GRID2: variants seen among roughly 807,000 people sequenced by gnomAD.
GRID2 encodes the protein glutamate receptor ionotropic, delta-2.
In GRID2, 33 loss-of-function variants were observed where a neutral mutation model predicts 114.8. The observed-to-expected ratio is 0.29, with a 90% CI of 0.22 to 0.38. The LOEUF (loss-of-function observed/expected upper bound fraction) is 0.38, where lower values mean the gene tolerates loss of function less well. Ranked by LOEUF, GRID2 falls within the 10% of genes least tolerant of loss-of-function variation. GRID2 has a pLI of 1.00. For missense variants in GRID2, 1,184 were observed against 1,257.7 expected, an observed-to-expected ratio of 0.94 and a Z score of 0.89; for synonymous variants, 505 against 449.9, an observed-to-expected ratio of 1.12 and a Z score of -1.55.
chr4:93,614,488 G>A (rs1298251979), intron 13 of GRID2, among the ~76,000 whole-genome samples: 1 of 152,116 alleles, frequency 6.6e-6, no homozygotes, highest in South Asian at 2.1e-4. Flanking sequence ...AATATAGTGT[G>A]TAATAATAAT....
intron 4 of GRID2, chr4:93,164,661 T>C: frequency 2.6e-6 from 1 of 386,552 alleles, no homozygotes. Context: ...ATACCGGTTA[T>C]CCTTGTTTGA....
chr4:92,536,121 G>A (rs376817926), intron 1 of GRID2, among the ~76,000 whole-genome samples: 5 of 152,204 alleles, frequency 3.3e-5, no homozygotes, highest in Non-Finnish European at 5.9e-5. Context: ...CACTGCTTGC[G>A]CCGGTGGCCT....
intron 2 of GRID2, among the ~76,000 whole-genome samples, chr4:92,935,072 A>G (rs1267778510): frequency 6.8e-6 from 1 of 147,042 alleles, no homozygotes; most frequent in African/African-American, 2.4e-5. Context: ...TCTGCACAGC[A>G]GAAGAAACTA....
intron 10 of GRID2, among the ~76,000 whole-genome samples, chr4:93,444,877 A>G (rs1721947118): frequency 6.6e-6 from 1 of 152,008 alleles, no homozygotes; most frequent in African/African-American, 2.4e-5. Flanking sequence ...AACTTTTTCA[A>G]TCTCAAAACA....
At chr4:93,673,814 C>G (rs182590749) in intron 14 of GRID2, among the ~76,000 whole-genome samples, 1 of 152,148 alleles carries the variant, frequency 6.6e-6, no homozygotes, top group East Asian at 1.9e-4. Context: ...ACTTATGATG[C>G]GCACCATAAA....
intron 4 of GRID2, among the ~76,000 whole-genome samples, chr4:93,165,075 G>T (rs1738119637): frequency 6.6e-6 from 1 of 152,044 alleles, no homozygotes; most frequent in Non-Finnish European, 1.5e-5. Flanking sequence ...TTCCTCATAG[G>T]ATTGTTGGGA....
chr4:92,790,917 C>T (rs1309577865), intron 2 of GRID2, among the ~76,000 whole-genome samples: 1 of 151,648 alleles, frequency 6.6e-6, no homozygotes, highest in African/African-American at 2.4e-5. Flanking sequence ...GAGTTTTAAT[C>T]CCATTTCCAC....
intron 1 of GRID2, among the ~76,000 whole-genome samples, chr4:92,341,687 G>A (rs1004258209): frequency 1.3e-4 from 20 of 152,052 alleles, no homozygotes; most frequent in African/African-American, 3.9e-4. Context: ...TTGGGAGGCC[G>A]AGGCGGGCGG....
intron 1 of GRID2, among the ~76,000 whole-genome samples, chr4:92,574,651 C>T (rs1727800699): frequency 6.6e-6 from 1 of 152,050 alleles, no homozygotes; most frequent in African/African-American, 2.4e-5. Context: ...ACATTTTGCC[C>T]TCCAATCTCT....
At chr4:92,864,339 T>A (rs1224500465) in intron 2 of GRID2, among the ~76,000 whole-genome samples, 1 of 152,196 alleles carries the variant, frequency 6.6e-6, no homozygotes, top group African/African-American at 2.4e-5. Context: ...TTCGTTACAG[T>A]CTTTTCAATA....
At chr4:92,386,429 G>A (rs568634260) in intron 1 of GRID2, among the ~76,000 whole-genome samples, 21 of 151,818 alleles carry the variant, frequency 1.4e-4, no homozygotes, top group African/African-American at 5.1e-4. Context: ...AAATTAAGCT[G>A]TCAACATTCT....
intron 2 of GRID2, among the ~76,000 whole-genome samples, chr4:92,779,062 T>C (rs1560587126): frequency 1.3e-5 from 2 of 152,042 alleles, no homozygotes; most frequent in African/African-American, 4.8e-5. Context: ...TAAGGCAATA[T>C]CAAAAATTAA....
At chr4:93,444,654 A>G (rs1360575073) in intron 10 of GRID2, among the ~76,000 whole-genome samples, 1 of 152,026 alleles carries the variant, frequency 6.6e-6, no homozygotes, top group African/African-American at 2.4e-5. Flanking sequence ...TTCATAATCA[A>G]TAAACACTTA....
intron 1 of GRID2, among the ~76,000 whole-genome samples, chr4:92,463,089 C>G (rs1355262189): frequency 1.3e-5 from 2 of 151,954 alleles, no homozygotes; most frequent in Non-Finnish European, 2.9e-5. Context: ...GCTATCATTA[C>G]ATGCTTTTTG....
At chr4:92,837,953 T>G (rs1742583098) in intron 2 of GRID2, among the ~76,000 whole-genome samples, 2 of 152,080 alleles carry the variant, frequency 1.3e-5, no homozygotes, top group African/African-American at 2.4e-5. Flanking sequence ...CTAGGAGAGA[T>G]ATCTAAGTGC....
intron 8 of GRID2, among the ~76,000 whole-genome samples, chr4:93,312,954 T>C (rs1231405907): frequency 1.3e-5 from 2 of 152,128 alleles, no homozygotes; most frequent in Non-Finnish European, 2.9e-5. Context: ...TGGAGTTTCA[T>C]AGGAATTTTT....
chr4:93,608,302 T>TC (rs1335147998), intron 13 of GRID2, among the ~76,000 whole-genome samples: 4 of 145,064 alleles, frequency 2.8e-5, no homozygotes, highest in Non-Finnish European at 4.5e-5. Context: ...TTTTCTTTTT[T>TC]TTTTTTTAAT....
intron 1 of GRID2, among the ~76,000 whole-genome samples, chr4:92,554,519 T>C (rs543062199): frequency 1.4e-4 from 21 of 152,258 alleles, no homozygotes; most frequent in Non-Finnish European, 2.6e-4. Context: ...TGAAAACATA[T>C]CAGTAAATGC....
At chr4:92,749,077 T>A (rs926057944) in intron 2 of GRID2, among the ~76,000 whole-genome samples, 2 of 151,546 alleles carry the variant, frequency 1.3e-5, no homozygotes, top group Admixed American at 6.6e-5. Context: ...CACTGCAACC[T>A]CCACCTCCCA....
Sources: gnomAD v4.1 joint callset for allele counts (sites outside exome capture counted in the v4.1 genomes callset) on GRCh38, gnomAD v4.1.1 for gene constraint, MANE v1.5 for transcripts, NCBI Gene and HGNC (gene_info 2026-07-23, HGNC 2026-07-21) for gene names.